Variants in ZNF385B observed in about 807,000 individuals in gnomAD.
The protein encoded by ZNF385B is zinc finger protein 385B, also known as zinc finger protein 533.
ZNF385B carries 23 observed loss-of-function variants against 39.2 expected under a neutral mutation model. That is an observed-to-expected ratio of 0.59 (90% CI 0.42 to 0.83). ZNF385B has a LOEUF of 0.83. Among genes scored for constraint, ZNF385B ranks in the 40% least tolerant of loss-of-function variants. The pLI, the probability that ZNF385B is intolerant of heterozygous loss-of-function variation, is 0.00. For synonymous variants in ZNF385B, 205 were observed against 222.6 expected, an observed-to-expected ratio of 0.92 and a Z score of 0.70; for missense variants, 552 against 598.9, an observed-to-expected ratio of 0.92 and a Z score of 0.82.
chr2:179,761,048 AGTAT>A (rs1160949083), intron 3 of ZNF385B, among the ~76,000 whole-genome samples: 1 of 151,952 alleles, frequency 6.6e-6, no homozygotes, highest in Non-Finnish European at 1.5e-5. Flanking sequence ...AAATCAATTG[AGTAT>A]GTGTGTGTGG....
chr2:179,512,065 G>A (rs897587058), intron 5 of ZNF385B, among the ~76,000 whole-genome samples: 3 of 152,060 alleles, frequency 2.0e-5, no homozygotes, highest in Non-Finnish European at 4.4e-5. Flanking sequence ...TGTATCTCAT[G>A]CTTAATTACT....
At chr2:179,545,901 A>G (rs1043964194) in intron 3 of ZNF385B, among the ~76,000 whole-genome samples, 1 of 152,138 alleles carries the variant, frequency 6.6e-6, no homozygotes, top group Non-Finnish European at 1.5e-5. Flanking sequence ...ATTACAAACA[A>G]TCCAATTATA....
chr2:179,779,577 T>A (rs1249442911), intron 1 of ZNF385B, among the ~76,000 whole-genome samples: 1 of 152,172 alleles, frequency 6.6e-6, no homozygotes, highest in Non-Finnish European at 1.5e-5. Flanking sequence ...GTGGACAAGT[T>A]CAGGACTATT....
chr2:179,563,206 T>C (rs911302869), intron 3 of ZNF385B, among the ~76,000 whole-genome samples: 1 of 152,184 alleles, frequency 6.6e-6, no homozygotes, highest in Admixed American at 6.6e-5. Context: ...TTATTATTGC[T>C]CTCATATCTA....
rs188293820 is a variant in ZNF385B at position 179,598,587 on chromosome 2, T to A, written c.299-53618A>T. On this transcript the variant is annotated intron_variant, in intron 3 of 9. Transcript: ENST00000410066. ...ATATAAAACCTGTAATATTCTGATA[T>A]GTATTTATTAAAAAATAAAACCTCT... Among the ~76,000 whole-genome samples, 3 of 152,278 alleles carry A rather than the reference T, an allele frequency of 2.0e-5. No homozygotes were observed. The East Asian group carries it at 5.8e-4, about 29-fold the overall frequency.
chr2:179,553,017 A>G (rs2105931928), intron 3 of ZNF385B, among the ~76,000 whole-genome samples: 1 of 149,396 alleles, frequency 6.7e-6, no homozygotes, highest in East Asian at 1.9e-4. Context: ...TATAGTTTGT[A>G]TGTAGAGGAG....
chr2:179,723,982 A>C (rs537351900), intron 3 of ZNF385B, among the ~76,000 whole-genome samples: 2 of 152,264 alleles, frequency 1.3e-5, no homozygotes, highest in African/African-American at 4.8e-5. Context: ...CAATTAGTAC[A>C]ATCTTATGTT....
chr2:179,493,742 CATATGTGTATAT>C (rs2055724669), intron 5 of ZNF385B, among the ~76,000 whole-genome samples: 2 of 133,294 alleles, frequency 1.5e-5, no homozygotes, highest in African/African-American at 2.9e-5. Flanking sequence ...TATATGTATA[CATATGTGTATAT>C]ACATATATGT....
At chr2:179,819,969 A>C (rs1281473473) in intron 1 of ZNF385B, among the ~76,000 whole-genome samples, 1 of 152,216 alleles carries the variant, frequency 6.6e-6, no homozygotes, top group African/African-American at 2.4e-5. Flanking sequence ...TTTTAAAAAA[A>C]TGTCATTAGC....
At chr2:179,471,255 C>A (rs2052741912) in intron 6 of ZNF385B, among the ~76,000 whole-genome samples, 10 of 152,054 alleles carry the variant, frequency 6.6e-5, no homozygotes, top group Admixed American at 6.6e-4. Flanking sequence ...AGTTTCTTGC[C>A]TATCCTACCT....
At chr2:179,567,597 A>G (rs1254080262) in intron 3 of ZNF385B, among the ~76,000 whole-genome samples, 1 of 152,228 alleles carries the variant, frequency 6.6e-6, no homozygotes, top group African/African-American at 2.4e-5. Context: ...TCACTAATGT[A>G]TCCTAAGCAC....
intron 1 of ZNF385B, among the ~76,000 whole-genome samples, chr2:179,785,788 A>G (rs891243249): frequency 1.3e-5 from 2 of 152,192 alleles, no homozygotes; most frequent in African/African-American, 4.8e-5. Flanking sequence ...ATCTTGGTAA[A>G]GATGCTGTGA....
intron 1 of ZNF385B, among the ~76,000 whole-genome samples, chr2:179,842,764 G>A (rs148819003): frequency 9.2e-5 from 14 of 152,204 alleles, no homozygotes; most frequent in Middle Eastern, 3.4e-3. Context: ...TCCATGTGCC[G>A]TTAGCCTCAT....
At chr2:179,726,574 T>C (rs2106416830) in intron 3 of ZNF385B, among the ~76,000 whole-genome samples, 1 of 152,152 alleles carries the variant, frequency 6.6e-6, no homozygotes, top group South Asian at 2.1e-4. Context: ...AGGGTAAGAC[T>C]TCAATACACT....
intron 3 of ZNF385B, among the ~76,000 whole-genome samples, chr2:179,566,871 A>G (rs1388045724): frequency 6.6e-6 from 1 of 150,538 alleles, no homozygotes; most frequent in East Asian, 1.9e-4. Flanking sequence ...CTGTTATTTT[A>G]GAGTAACTCT....
chr2:179,776,519 C>T (rs1341068417), intron 1 of ZNF385B, among the ~76,000 whole-genome samples: 2 of 152,188 alleles, frequency 1.3e-5, no homozygotes, highest in Non-Finnish European at 2.9e-5. Flanking sequence ...TCTTGTATAA[C>T]ATCCCGCACC....
At chr2:179,528,010 G>A (rs542913617) in intron 4 of ZNF385B, among the ~76,000 whole-genome samples, 2 of 152,194 alleles carry the variant, frequency 1.3e-5, no homozygotes, top group South Asian at 2.1e-4. Context: ...ACACATTTTT[G>A]TTGCCTTGAT....
At chr2:179,823,067 T>C (rs1707494780) in intron 1 of ZNF385B, among the ~76,000 whole-genome samples, 1 of 152,180 alleles carries the variant, frequency 6.6e-6, no homozygotes, top group African/African-American at 2.4e-5. Context: ...AAATTCACGC[T>C]GAATCAAAGA....
At chr2:179,508,978 G>A (rs1442895532) in intron 5 of ZNF385B, among the ~76,000 whole-genome samples, 7 of 144,380 alleles carry the variant, frequency 4.8e-5, no homozygotes, top group East Asian at 2.0e-4. Context: ...ACAGAGTCTC[G>A]CTCTGTCGCT....
Sources: allele counts gnomAD v4.1 joint callset (sites outside exome capture counted in the v4.1 genomes callset), GRCh38; gene constraint gnomAD v4.1.1; transcripts MANE v1.5; gene names NCBI Gene and HGNC (gene_info 2026-07-23, HGNC 2026-07-21).